The following PPP1R3B variants were observed in gnomAD, a reference collection of about 807,000 sequenced individuals.
PPP1R3B encodes PP1 subunit R4.
PPP1R3B carries 8 observed loss-of-function variants against 14.6 expected under a neutral mutation model. The observed-to-expected ratio is 0.55, with a 90% CI of 0.32 to 0.99. PPP1R3B has a LOEUF of 0.99. Ranked by LOEUF, PPP1R3B falls within the 50% of genes least tolerant of loss-of-function variation. PPP1R3B has a pLI of 0.04. For synonymous variants in PPP1R3B, 169 were observed against 142.0 expected (o/e 1.19, Z -1.35); for missense variants, 452 against 360.1 (o/e 1.26, Z -2.07).
rs926949851 is a variant in PPP1R3B at position 9,141,541 on chromosome 8, A to G, written c.111T>C (p.Cys37=). 1 of 1,614,068 alleles carries G rather than the reference A, an allele frequency of 6.2e-7. No individual in the cohort carries two copies. Among genetic ancestry groups the G allele is most frequent in the Non-Finnish European group, 8.5e-7 (1 of 1,180,050 alleles). ...SPKPSKPLRP[C]IQLSSKNEAS... is the part of the protein sequence containing the mutation. ...CTTCATTCTTGCTGCTCAGCTGAAT[A>G]CAAGGCCTCAGTGGTTTGCTGGGCT... Residue 37 remains cysteine, a synonymous_variant, in exon 2 of 2, where the codon TGT becomes TGC. Coordinates refer to ENST00000310455, the MANE Select transcript of PPP1R3B (RefSeq NM_024607.4).
chr8:9,149,457 T>G (rs964038675), intron 1 of PPP1R3B, among the ~76,000 whole-genome samples: 2 of 152,132 alleles, frequency 1.3e-5, no homozygotes, highest in African/African-American at 4.8e-5. Context: ...GAGCCAGAGA[T>G]GGCGCCACTG....
At position 9,140,867 on chromosome 8, in the gene PPP1R3B, G is replaced by A; in HGVS notation, c.785C>T (p.Pro262Leu). Reference protein sequence around the residue: ...LGISFDQFGSPRCSYGLFPEW... With the variant: ...LGISFDQFGSLRCSYGLFPEW... ...TGGAAACAGACCATAGGAACACCGAGGGCTTCCGAACTGGTCAAAGGATAT... is the reference window on the plus strand; with the variant it reads ...TGGAAACAGACCATAGGAACACCGAAGGCTTCCGAACTGGTCAAAGGATAT... The change falls in exon 2 of 2, where the codon CCT (proline) becomes CTT (leucine). Residue 262 changes from proline to leucine, a missense_variant. Transcript: ENST00000310455. 6 of 1,614,154 alleles carry A rather than the reference G, an allele frequency of 3.7e-6. No homozygotes were observed. The highest frequency in any genetic ancestry group is 3.4e-6 in the Non-Finnish European group (4 of 1,180,028).
Position 9,145,785 on chromosome 8 carries a change from TCAG to T in PPP1R3B, c.-17-4120_-17-4118del, listed in dbSNP as rs1801223948. The stretch of plus-strand genomic sequence containing the variant: ...TTCTAAAATAATATTGCTTCTATCA[TCAG>T]AACAAAATGAACCTAAAAAAAATCC... On this transcript the variant is annotated intron_variant, in intron 1 of 1. Transcript: ENST00000310455. 3.3e-5 allele frequency among the ~76,000 whole-genome samples: 5 copies of T among 152,304 alleles called. No homozygotes were observed. In the South Asian group the frequency reaches 1.0e-3, roughly 32 times the overall value.
At position 9,140,703 on chromosome 8, in the gene PPP1R3B, T is replaced by A. The variant is rs765240347; in HGVS notation, c.*91A>T. The A allele has an allele frequency of 6.5e-6, 9 of 1,376,690 alleles. No individual in the cohort carries two copies. The highest frequency in any genetic ancestry group is 8.9e-6 in the Non-Finnish European group (9 of 1,006,924). The allele number at this position is 1,376,690 out of a possible 1,614,324, so 85.3% of individuals were successfully genotyped here. The stretch of plus-strand genomic sequence containing the variant: ...AACGGGGCCTCATGGAAGTTCCACG[T>A]TGCTCCTCCCTGGCCTTCCATCTCC... On this transcript the variant is annotated 3_prime_UTR_variant, in exon 2 of 2. Transcript: ENST00000310455.
Position 9,139,324 on chromosome 8 carries a change from A to C in PPP1R3B, c.*1470T>G, listed in dbSNP as rs994165891. ...AGTTGGCAAACGTTTAAAATAACGTATAAGAACTTGGGTGAGGTTTTTCTC... is the reference window on the plus strand; with the variant it reads ...AGTTGGCAAACGTTTAAAATAACGTCTAAGAACTTGGGTGAGGTTTTTCTC... On this transcript the variant is annotated 3_prime_UTR_variant, in exon 2 of 2. Transcript: ENST00000310455. 1.3e-5 allele frequency: 2 copies of C among 152,244 alleles called. No homozygotes were observed. Among genetic ancestry groups the C allele is most frequent in the African/African-American group, 4.8e-5 (2 of 41,464 alleles). The allele number at this position is 152,244 out of a possible 1,614,324, so 9.4% of individuals were successfully genotyped here. A position where few individuals can be genotyped will look rare whatever the true frequency, so the allele number is the denominator to read the frequency against.
rs544072930 is a variant in PPP1R3B at position 9,140,739 on chromosome 8, G to A, written c.*55C>T. The A allele has an allele frequency of 6.3e-7, 1 of 1,584,042 alleles. No homozygotes were observed. The highest frequency in any genetic ancestry group is 8.6e-7 in the Non-Finnish European group (1 of 1,162,214). On this transcript the variant is annotated 3_prime_UTR_variant, in exon 2 of 2. Coordinates refer to ENST00000310455, the MANE Select transcript of PPP1R3B (RefSeq NM_024607.4). ...TGGCCTTCCATCTCCACTGCACAGT[G>A]AGCAGAGCTAGGCTTGTCTGTGGCA...
Position 9,138,219 on chromosome 8 carries a change from ATT to A in PPP1R3B, c.*2573_*2574del, listed in dbSNP as rs1800955940. 1 of 152,134 alleles carries A rather than the reference ATT, an allele frequency of 6.6e-6. No individual in the cohort carries two copies. Among genetic ancestry groups the A allele is most frequent in the Non-Finnish European group, 1.5e-5 (1 of 68,030 alleles). The allele number at this position is 152,134 out of a possible 1,614,324, so 9.4% of individuals were successfully genotyped here. Reference sequence around the variant, plus strand: ...TGCTATTAATAGTTCTGATCACCAAATTTATAACATTTAAAGTACTGTCTGTT... The same window carrying A: ...TGCTATTAATAGTTCTGATCACCAAATATAACATTTAAAGTACTGTCTGTT... On this transcript the variant is annotated 3_prime_UTR_variant, in exon 2 of 2. Transcript: ENST00000310455.
rs572321198 is a variant in PPP1R3B, at chr8:9,139,006, C to T, written c.*1788G>A. ...TGATCTCGGCTCACTGCAACCTCCA[C>T]CTCCTGGGTTCAAGTGATTCTCCTG... On this transcript the variant is annotated 3_prime_UTR_variant, in exon 2 of 2. Coordinates refer to ENST00000310455, the MANE Select transcript of PPP1R3B (RefSeq NM_024607.4). 6.3e-4 allele frequency: 96 copies of T among 152,354 alleles called. No individual in the cohort carries two copies. Among genetic ancestry groups the T allele is most frequent in the African/African-American group, 2.3e-3 (94 of 41,552 alleles). The allele number at this position is 152,354 out of a possible 1,614,324, so 9.4% of individuals were successfully genotyped here. A position where few individuals can be genotyped will look rare whatever the true frequency, so the allele number is the denominator to read the frequency against.
rs1043216282 is a variant in PPP1R3B, at chr8:9,137,136, C to T, written c.*3658G>A. On this transcript the variant is annotated 3_prime_UTR_variant, in exon 2 of 2. Transcript: ENST00000310455. The stretch of plus-strand genomic sequence containing the variant: ...TTGTTTTAATTTCTGGAGAACTGTA[C>T]AGCTTCATTATTTCTCACCAGCTCC... 3.3e-5 allele frequency: 5 copies of T among 152,148 alleles called. No individual in the cohort carries two copies. The highest frequency in any genetic ancestry group is 1.2e-4 in the African/African-American group (5 of 41,432). The allele number at this position is 152,148 out of a possible 1,614,324, so 9.4% of individuals were successfully genotyped here. A position where few individuals can be genotyped will look rare whatever the true frequency, so the allele number is the denominator to read the frequency against.
chr8:9,143,023 C>A (rs1801134918), intron 1 of PPP1R3B, among the ~76,000 whole-genome samples: 1 of 152,160 alleles, frequency 6.6e-6, no homozygotes, highest in Admixed American at 6.5e-5. Flanking sequence ...GATATATGTC[C>A]TGCAGTGGGA....
rs1315584236 is a variant in PPP1R3B at position 9,140,101 on chromosome 8, ATACATCTGTGGGG to A, written c.*680_*692del. The stretch of plus-strand genomic sequence containing the variant: ...GACTGGTGTGTTGCTCTCTGCTGGA[ATACATCTGTGGGG>A]TCAAGAAGCGGGAGGAGGAAATGCC... On this transcript the variant is annotated 3_prime_UTR_variant, in exon 2 of 2. Transcript: ENST00000310455. The A allele has an allele frequency of 6.5e-6, 1 of 154,768 alleles. No individual in the cohort carries two copies. Among genetic ancestry groups the A allele is most frequent in the Non-Finnish European group, 1.4e-5 (1 of 69,680 alleles). 9.6% of individuals were successfully genotyped at this position (154,768 alleles called of 1,614,324 possible). A position where few individuals can be genotyped will look rare whatever the true frequency, so the allele number is the denominator to read the frequency against.
chr8:9,139,426 T>A lies in PPP1R3B; in HGVS notation c.*1368A>T, dbSNP rs330915. 45,564 of 152,148 alleles carry A rather than the reference T, an allele frequency of 0.3. 7,948 individuals carry two copies. Among genetic ancestry groups the A allele is most frequent in the East Asian group, 0.75 (3,902 of 5,174 alleles). 9.4% of individuals were successfully genotyped at this position (152,148 alleles called of 1,614,324 possible). A position where few individuals can be genotyped will look rare whatever the true frequency, so the allele number is the denominator to read the frequency against. On this transcript the variant is annotated 3_prime_UTR_variant, in exon 2 of 2. Transcript: ENST00000310455. The stretch of plus-strand genomic sequence containing the variant: ...CTGGGTGCTGGTAAAGTGTTCTAGA[T>A]AGTGTGAATCACAGTCACGATAAAA...
At position 9,140,689 on chromosome 8, in the gene PPP1R3B, A is replaced by T. The variant is rs919164811; in HGVS notation, c.*105T>A. On this transcript the variant is annotated 3_prime_UTR_variant, in exon 2 of 2. Transcript: ENST00000310455. ...CTTTTATTTTCCCAAACGGGGCCTC[A>T]TGGAAGTTCCACGTTGCTCCTCCCT... The T allele has an allele frequency of 8.1e-7, 1 of 1,232,398 alleles. No individual in the cohort carries two copies. Among genetic ancestry groups the T allele is most frequent in the African/African-American group, 1.5e-5 (1 of 66,550 alleles). 76.3% of individuals were successfully genotyped at this position (1,232,398 alleles called of 1,614,324 possible).
rs1193735089 is a variant in PPP1R3B, at chr8:9,139,421, CTAGA to C, written c.*1369_*1372del. ...TGTCCCTGGGTGCTGGTAAAGTGTT[CTAGA>C]TAGTGTGAATCACAGTCACGATAAA... On this transcript the variant is annotated 3_prime_UTR_variant, in exon 2 of 2. Transcript: ENST00000310455. The C allele has an allele frequency of 1.3e-5, 2 of 152,138 alleles. No homozygotes were observed. The highest frequency in any genetic ancestry group is 2.4e-5 in the African/African-American group (1 of 41,394). 9.4% of individuals were successfully genotyped at this position (152,138 alleles called of 1,614,324 possible). A position where few individuals can be genotyped will look rare whatever the true frequency, so the allele number is the denominator to read the frequency against.
chr8:9,141,080 G>C lies in PPP1R3B; in HGVS notation c.572C>G (p.Thr191Arg), dbSNP rs538249702. The C allele has an allele frequency of 6.2e-7, 1 of 1,614,148 alleles. No homozygotes were observed. Among genetic ancestry groups the C allele is most frequent in the South Asian group, 1.1e-5 (1 of 91,074 alleles). ...GGGCAAGCTGATGTCGAAGGAGAACGTGTCCCTGTCTGAACCGGCATAAGT... is the reference window on the plus strand; with the variant it reads ...GGGCAAGCTGATGTCGAAGGAGAACCTGTCCCTGTCTGAACCGGCATAAGT... ...KDTYAGSDRD[T>R]FSFDISLPEK... The change falls in exon 2 of 2, where the codon ACG (threonine) becomes AGG (arginine). Residue 191 changes from threonine (T) to arginine (R), a missense_variant. Transcript: ENST00000310455.
chr8:9,141,945 T>C (rs1269213363), intron 1 of PPP1R3B: 1 of 333,198 alleles, frequency 3.0e-6, no homozygotes, highest in Non-Finnish European at 5.6e-6. Context: ...TAAAACTAAA[T>C]GCACAGGTTT....
intron 1 of PPP1R3B, among the ~76,000 whole-genome samples, chr8:9,142,581 A>G (rs1801122717): frequency 6.6e-6 from 1 of 152,136 alleles, no homozygotes. Flanking sequence ...TACCAAGTAT[A>G]GGCACCATAT....
intron 1 of PPP1R3B, among the ~76,000 whole-genome samples, chr8:9,144,953 C>A (rs1801192355): frequency 6.6e-6 from 1 of 152,064 alleles, no homozygotes; most frequent in Admixed American, 6.5e-5. Context: ...ACCATGTTGG[C>A]CAAGCTGGTC....
chr8:9,139,288 T>C lies in PPP1R3B; in HGVS notation c.*1506A>G, dbSNP rs547389785. 6.6e-6 allele frequency: 1 copy of C among 152,298 alleles called. No homozygotes were observed. Among genetic ancestry groups the C allele is most frequent in the African/African-American group, 2.4e-5 (1 of 41,570 alleles). 9.4% of individuals were successfully genotyped at this position (152,298 alleles called of 1,614,324 possible). A position where few individuals can be genotyped will look rare whatever the true frequency, so the allele number is the denominator to read the frequency against. ...AATATGGTTAAGAACAATGAATCTC[T>C]GAAATTTCAGAGTTGGCAAACGTTT... is the stretch of plus-strand genomic sequence containing the variant. On this transcript the variant is annotated 3_prime_UTR_variant, in exon 2 of 2. Transcript: ENST00000310455.
Sources: gnomAD v4.1 joint callset for allele counts (sites outside exome capture counted in the v4.1 genomes callset) on GRCh38, gnomAD v4.1.1 for gene constraint, MANE v1.5 for transcripts, NCBI Gene and HGNC (gene_info 2026-07-23, HGNC 2026-07-21) for gene names.